Variants in SLC4A8 observed in about 807,000 individuals in gnomAD.
The protein encoded by SLC4A8 is solute carrier family 4 member 8.
In SLC4A8, 40 loss-of-function variants were observed where a neutral mutation model predicts 125.0. The ratio of observed to expected loss-of-function variants is 0.32; its 90% confidence interval spans 0.25 to 0.42. The LOEUF is 0.42. SLC4A8 is among the 10% of genes least tolerant of loss of function. The pLI is 1.00. For synonymous variants in SLC4A8, 456 were observed against 476.0 expected (o/e 0.96, Z 0.55); for missense variants, 863 against 1,355.1 (o/e 0.64, Z 5.70).
At chr12:51,472,018 G>T (rs1402040397) in intron 14 of SLC4A8, among the ~76,000 whole-genome samples, 3 of 152,202 alleles carry the variant, frequency 2.0e-5, no homozygotes. Context: ...TTCAGATCCA[G>T]AAGTGTCTCA....
intron 1 of SLC4A8, among the ~76,000 whole-genome samples, chr12:51,428,645 C>G (rs1949086690): frequency 1.3e-5 from 2 of 152,236 alleles, no homozygotes; most frequent in African/African-American, 2.4e-5. Flanking sequence ...CCCCTGCTCA[C>G]AACACCTACC....
intron 1 of SLC4A8, among the ~76,000 whole-genome samples, chr12:51,411,045 GTTT>G (rs58816269): frequency 0.43 from 52,605 of 122,618 alleles, 10,031 homozygotes; most frequent in Admixed American, 0.48. Flanking sequence ...TGGCCAATCT[GTTT>G]TTTTTTTTTT....
intron 5 of SLC4A8, among the ~76,000 whole-genome samples, chr12:51,455,650 G>T (rs1950124815): frequency 6.6e-6 from 1 of 152,120 alleles, no homozygotes; most frequent in Non-Finnish European, 1.5e-5. Context: ...GTTCTGTTTG[G>T]CTGGACAGGT....
intron 1 of SLC4A8, among the ~76,000 whole-genome samples, chr12:51,401,696 G>A (rs546999722): frequency 7.9e-5 from 12 of 152,236 alleles, no homozygotes; most frequent in Middle Eastern, 6.8e-3. Flanking sequence ...GTGGTCTTGG[G>A]AAATGCAACG....
chr12:51,441,280 A>T, intron 2 of SLC4A8: 2 of 820,168 alleles, frequency 2.4e-6, no homozygotes, highest in Non-Finnish European at 2.9e-6. Context: ...AACAAGAGGG[A>T]AAACAGGAAC....
intron 1 of SLC4A8, among the ~76,000 whole-genome samples, chr12:51,405,378 G>A (rs1948465478): frequency 6.6e-6 from 1 of 152,216 alleles, no homozygotes; most frequent in African/African-American, 2.4e-5. Context: ...GCACTGGAGA[G>A]GTCACCATTT....
upstream of SLC4A8, among the ~76,000 whole-genome samples, chr12:51,423,124 C>T (rs1948828497): frequency 6.6e-6 from 1 of 152,120 alleles, no homozygotes; most frequent in Non-Finnish European, 1.5e-5. Flanking sequence ...TTGGTTGAGG[C>T]TCTGTTGAGT....
Position 51,425,018 on chromosome 12 carries a change from G to C in SLC4A8, c.31G>C (p.Gly11Arg). Residue 11 changes from glycine to arginine, a missense_variant, in exon 1 of 25, where the codon GGC becomes CGC. Transcript: ENST00000453097. MPAAGSNEPD[G>R]VLSYQRPDEE... ...GGCCGCCGGGAGTAACGAGCCGGAC[G>C]GCGTCCTCAGCTATCAGGTAGGGCC... The C allele has an allele frequency of 6.4e-7, 1 of 1,556,744 alleles. No homozygotes were observed. The highest frequency in any genetic ancestry group is 8.7e-7 in the Non-Finnish European group (1 of 1,150,872).
At chr12:51,427,483 A>G (rs1415815892) in intron 1 of SLC4A8, among the ~76,000 whole-genome samples, 1 of 152,146 alleles carries the variant, frequency 6.6e-6, no homozygotes, top group Non-Finnish European at 1.5e-5. Flanking sequence ...TGAGGAGAAG[A>G]AAAGGAATAC....
chr12:51,472,107 A>G (rs986235754), intron 14 of SLC4A8, among the ~76,000 whole-genome samples: 2 of 152,218 alleles, frequency 1.3e-5, no homozygotes, highest in Admixed American at 6.5e-5. Context: ...TATGTGTTCA[A>G]TATGGTTTGG....
intron 1 of SLC4A8, among the ~76,000 whole-genome samples, chr12:51,419,161 C>CTAT: frequency 6.6e-6 from 1 of 152,318 alleles, no homozygotes; most frequent in East Asian, 1.9e-4. Flanking sequence ...CCCAGCTCTG[C>CTAT]TATTAACTGC....
intron 5 of SLC4A8, among the ~76,000 whole-genome samples, chr12:51,454,966 T>G (rs1459193768): frequency 6.2e-5 from 4 of 64,788 alleles, no homozygotes; most frequent in Non-Finnish European, 1.2e-4. Context: ...CTTCCGCAGT[T>G]TTTGTGTCCC....
upstream of SLC4A8, among the ~76,000 whole-genome samples, chr12:51,424,094 G>A (rs1351287139): frequency 2.1e-5 from 3 of 139,746 alleles, no homozygotes; most frequent in Non-Finnish European, 3.1e-5. Context: ...AACCCAAAAG[G>A]TACCTTTCTT....
intron 1 of SLC4A8, among the ~76,000 whole-genome samples, chr12:51,414,290 G>T (rs1565756586): frequency 2.0e-5 from 3 of 151,542 alleles, no homozygotes; most frequent in Admixed American, 1.3e-4. Flanking sequence ...CAATTTTACT[G>T]ACTTCGTTGG....
At chr12:51,451,652 A>G (rs986973618) in intron 3 of SLC4A8, among the ~76,000 whole-genome samples, 1 of 152,146 alleles carries the variant, frequency 6.6e-6, no homozygotes, top group African/African-American at 2.4e-5. Flanking sequence ...GTGTAAGAAA[A>G]TTATGGAATA....
At chr12:51,409,688 T>G (rs1197873687) in intron 1 of SLC4A8, among the ~76,000 whole-genome samples, 1 of 152,236 alleles carries the variant, frequency 6.6e-6, no homozygotes, top group African/African-American at 2.4e-5. Context: ...TAGCTGGGAC[T>G]ATAGGTGTGC....
intron 1 of SLC4A8, among the ~76,000 whole-genome samples, chr12:51,400,660 G>T (rs115696145): frequency 0.012 from 1,714 of 144,890 alleles, 38 homozygotes; most frequent in African/African-American, 0.042. Context: ...GGTATAGATT[G>T]TCTAGTTTGT....
intron 1 of SLC4A8, among the ~76,000 whole-genome samples, chr12:51,399,290 A>T (rs1262693337): frequency 6.6e-6 from 1 of 152,198 alleles, no homozygotes; most frequent in Non-Finnish European, 1.5e-5. Context: ...TGGCAAAAAA[A>T]ATCTAAAGCT....
intron 1 of SLC4A8, among the ~76,000 whole-genome samples, chr12:51,405,622 C>G (rs1341791664): frequency 2.6e-5 from 4 of 152,182 alleles, no homozygotes. Context: ...TCTCAAACTC[C>G]TGGCCTCAAG....
Sources: gnomAD v4.1 joint callset for allele counts (sites outside exome capture counted in the v4.1 genomes callset) on GRCh38, gnomAD v4.1.1 for gene constraint, MANE v1.5 for transcripts, NCBI Gene and HGNC (gene_info 2026-07-23, HGNC 2026-07-21) for gene names.